Variants in DENND5A observed in about 807,000 individuals in gnomAD.
DENND5A encodes the protein DENN domain containing 5A, also known as DENN domain-containing protein 5A.
A neutral mutation model predicts 140.3 loss-of-function variants in DENND5A; 64 were observed. The observed-to-expected ratio is 0.46, with a 90% CI of 0.37 to 0.56. DENND5A has a LOEUF of 0.56. Ranked by LOEUF, DENND5A falls within the 20% of genes least tolerant of loss-of-function variation. The pLI, the probability that DENND5A is intolerant of heterozygous loss-of-function variation, is 0.00. For synonymous variants in DENND5A, 605 were observed against 607.7 expected (o/e 1.00, Z 0.07); for missense variants, 1,292 against 1,593.8 (o/e 0.81, Z 3.22).
chr11:9,193,774 T>C, intron 4 of DENND5A, 93 bp from the exon 5 acceptor site: 1 of 1,108,032 alleles, frequency 9.0e-7, no homozygotes, highest in South Asian at 1.6e-5. Flanking sequence ...TTCAGTACAA[T>C]TTCTTATTTA....
chr11:9,228,324 G>A (rs1850620069), intron 1 of DENND5A, among the ~76,000 whole-genome samples: 1 of 152,062 alleles, frequency 6.6e-6, no homozygotes. Context: ...AAAGACCAAG[G>A]ATGATTACAG....
At chr11:9,163,106 T>C (rs894766987) in intron 11 of DENND5A, among the ~76,000 whole-genome samples, 11 of 152,206 alleles carry the variant, frequency 7.2e-5, no homozygotes, top group African/African-American at 2.7e-4. Context: ...ACCACATGAA[T>C]ACACCACAAT....
chr11:9,150,490 T>C lies in DENND5A; in HGVS notation c.2606+190A>G, dbSNP rs571199297. Among the ~76,000 whole-genome samples, 8 of 152,308 alleles carry C rather than the reference T, an allele frequency of 5.3e-5. No individual in the cohort carries two copies. The South Asian group carries it at 1.7e-3, about 32-fold the overall frequency. On this transcript the variant is annotated intron_variant, in intron 14 of 22. Transcript: ENST00000328194. ...TCCTATGCTCCCTCACCTCCAAAAA[T>C]GCCAGGAAACCCAACGGTTTGTACA...
chr11:9,188,242 T>C (rs1350251008), intron 5 of DENND5A, among the ~76,000 whole-genome samples: 2 of 152,226 alleles, frequency 1.3e-5, no homozygotes, highest in Non-Finnish European at 2.9e-5. Context: ...CCTGCTGCCA[T>C]CCATGTAAAC....
chr11:9,258,734 A>C (rs1164287067), intron 1 of DENND5A, among the ~76,000 whole-genome samples: 1 of 145,650 alleles, frequency 6.9e-6, no homozygotes, highest in East Asian at 1.9e-4. Flanking sequence ...AAAAGAATGA[A>C]ATGTGGCAAG....
At chr11:9,247,229 T>TAAA (rs75951139) in intron 1 of DENND5A, among the ~76,000 whole-genome samples, 83 of 126,794 alleles carry the variant, frequency 6.5e-4, no homozygotes, top group African/African-American at 2.2e-3. Context: ...GACTCCGTCT[T>TAAA]AAAAAAAAAA....
chr11:9,163,912 T>C (rs552124624), intron 11 of DENND5A, among the ~76,000 whole-genome samples: 2 of 113,570 alleles, frequency 1.8e-5, no homozygotes, highest in Admixed American at 8.2e-5. Flanking sequence ...GACAAAATTG[T>C]ATGGAAAAAA....
At chr11:9,197,747 C>T (rs894256097) in intron 4 of DENND5A, among the ~76,000 whole-genome samples, 4 of 152,064 alleles carry the variant, frequency 2.6e-5, no homozygotes, top group Admixed American at 6.6e-5. Flanking sequence ...TATTTGTGCA[C>T]ATATTATTTA....
At chr11:9,210,617 C>T (rs1037749500) in intron 1 of DENND5A, among the ~76,000 whole-genome samples, 7 of 152,176 alleles carry the variant, frequency 4.6e-5, no homozygotes, top group African/African-American at 1.4e-4. Flanking sequence ...AATCACGGCT[C>T]ACTGCAGCCT....
chr11:9,152,565 C>CA, intron 12 of DENND5A, 123 bp from the exon 13 acceptor site: 1 of 728,596 alleles, frequency 1.4e-6, no homozygotes, highest in Non-Finnish European at 2.5e-6. Context: ...AATGTACATC[C>CA]AGGACACAGT....
At chr11:9,160,925 G>A in intron 11 of DENND5A, 60 bp from the exon 12 acceptor site, 1 of 1,562,550 alleles carries the variant, frequency 6.4e-7, no homozygotes, top group African/African-American at 1.3e-5. Context: ...CATACAACCG[G>A]AGAGGGTTCT....
Position 9,180,813 on chromosome 11 carries a change from G to T in DENND5A, c.1409C>A (p.Ala470Asp). The part of the protein sequence containing the change: ...YELLKENETI[A>D]RLQALVKRTG... ...TCTCTTGACCAAGGCTTGCAGCCGG[G>T]CAATAGTTTCATTCTCCTTAAGAAG... is the stretch of plus-strand genomic sequence containing the variant. The change falls in exon 6 of 23, where the codon GCC becomes GAC. Residue 470 changes from alanine (A) to aspartate (D), a missense_variant. Physicochemically the swap from Ala to Asp is moderately radical, Grantham distance 126. Around this residue, in one of 4 missense-constraint regions of DENND5A, gnomAD observed 566 missense variants for 650.4 expected, o/e 0.87. Transcript: ENST00000328194. The T allele has an allele frequency of 6.2e-7, 1 of 1,614,172 alleles. No individual in the cohort carries two copies. The highest frequency in any genetic ancestry group is 1.7e-5 in the Admixed American group (1 of 60,008).
At chr11:9,255,662 G>A (rs1360995852) in intron 1 of DENND5A, among the ~76,000 whole-genome samples, 2 of 151,908 alleles carry the variant, frequency 1.3e-5, no homozygotes, top group Non-Finnish European at 2.9e-5. Flanking sequence ...TCAGGAGTTC[G>A]AGACCAGCCT....
intron 1 of DENND5A, among the ~76,000 whole-genome samples, chr11:9,234,652 C>T (rs1229351227): frequency 3.3e-5 from 5 of 152,196 alleles, no homozygotes; most frequent in African/African-American, 7.2e-5. Context: ...GCAAGGAACA[C>T]CTGGCCCACC....
chr11:9,152,288 A>G, intron 13 of DENND5A, 70 bp downstream of exon 13: 2 of 1,180,116 alleles, frequency 1.7e-6, no homozygotes, highest in Non-Finnish European at 2.6e-6. Context: ...GTTTGCTTCA[A>G]AGTGATCACG....
chr11:9,242,238 G>C (rs1851267575), intron 1 of DENND5A, among the ~76,000 whole-genome samples: 1 of 152,108 alleles, frequency 6.6e-6, no homozygotes, highest in Admixed American at 6.6e-5. Flanking sequence ...CTAAAATAGT[G>C]ACTAGTAAAT....
At chr11:9,150,798 T>C in intron 13 of DENND5A, 34 bp from the exon 14 acceptor site, 1 of 1,439,960 alleles carries the variant, frequency 6.9e-7, no homozygotes, top group Non-Finnish European at 9.8e-7. Flanking sequence ...TCCAAAGAGA[T>C]CTGAATATCC....
chr11:9,157,540 G>A (rs565879419), intron 12 of DENND5A, among the ~76,000 whole-genome samples: 214 of 152,170 alleles, frequency 1.4e-3, no homozygotes, highest in Non-Finnish European at 2.7e-3. Flanking sequence ...GTGTCCATGG[G>A]TATTCAATGT....
intron 12 of DENND5A, among the ~76,000 whole-genome samples, chr11:9,152,993 G>T (rs12419758): frequency 9.3e-5 from 12 of 128,852 alleles, no homozygotes; most frequent in Non-Finnish European, 1.9e-4. Context: ...GTGAGACGCC[G>T]TCTCAAAAAA....
Sources: gnomAD v4.1 joint callset for allele counts (sites outside exome capture counted in the v4.1 genomes callset) on GRCh38, gnomAD v4.1.1 for gene constraint, gnomAD v4.1.1 regional missense constraint, MANE v1.5 for transcripts, NCBI Gene and HGNC (gene_info 2026-07-23, HGNC 2026-07-21) for gene names.